The following FHIP1A variants were observed in gnomAD, a reference collection of about 807,000 sequenced individuals.
FHIP1A encodes FHF complex subunit HOOK-interacting protein 1A.
FHIP1A carries 61 observed loss-of-function variants against 88.6 expected under a neutral mutation model. The observed-to-expected ratio is 0.69, with a 90% confidence interval of 0.56 to 0.85. The LOEUF (loss-of-function observed/expected upper bound fraction) is 0.85. Among genes scored for constraint, FHIP1A ranks in the 40% least tolerant of loss-of-function variants. FHIP1A has a pLI of 0.00. For synonymous variants in FHIP1A, 478 were observed against 496.0 expected, an observed-to-expected ratio of 0.96 and a Z score of 0.48; for missense variants, 1,154 against 1,273.5, an observed-to-expected ratio of 0.91 and a Z score of 1.43.
At chr4:151,431,931 T>C (rs539988210) in intron 1 of FHIP1A, among the ~76,000 whole-genome samples, 1 of 152,320 alleles carries the variant, frequency 6.6e-6, no homozygotes, top group South Asian at 2.1e-4. Flanking sequence ...CCCAAAGTCA[T>C]ATGGGTAACC....
intron 3 of FHIP1A, among the ~76,000 whole-genome samples, chr4:151,527,252 G>C (rs897410824): frequency 1.6e-4 from 24 of 152,332 alleles, no homozygotes; most frequent in South Asian, 8.3e-4. Context: ...CTGAGTGAAC[G>C]AGACTCCGTC....
intron 1 of FHIP1A, among the ~76,000 whole-genome samples, chr4:151,449,179 C>G (rs1378059834): frequency 6.6e-6 from 1 of 152,110 alleles, no homozygotes; most frequent in Non-Finnish European, 1.5e-5. Flanking sequence ...GCATAACTAA[C>G]TGAATGAATG....
intron 2 of FHIP1A, among the ~76,000 whole-genome samples, chr4:151,478,039 A>G (rs1330421774): frequency 1.3e-5 from 2 of 152,196 alleles, no homozygotes; most frequent in East Asian, 1.9e-4. Flanking sequence ...TATTACATGC[A>G]TGAGAAAATT....
intron 3 of FHIP1A, among the ~76,000 whole-genome samples, chr4:151,504,604 T>C (rs772547939): frequency 4.9e-5 from 3 of 61,024 alleles, no homozygotes; most frequent in Non-Finnish European, 1.2e-4. Context: ...TATGTTATGT[T>C]ATGTCATGTT....
At chr4:151,571,339 A>T (rs573553139) in intron 4 of FHIP1A, among the ~76,000 whole-genome samples, 3 of 152,326 alleles carry the variant, frequency 2.0e-5, no homozygotes, top group Non-Finnish European at 2.9e-5. Flanking sequence ...CTGTTTAAAA[A>T]TTTTTTAGGC....
intron 3 of FHIP1A, among the ~76,000 whole-genome samples, chr4:151,487,804 A>G (rs745628722): frequency 4.6e-5 from 7 of 152,250 alleles, no homozygotes; most frequent in Admixed American, 2.0e-4. Flanking sequence ...TCAAGGTCAC[A>G]AAAGGATTAA....
intron 3 of FHIP1A, among the ~76,000 whole-genome samples, chr4:151,533,449 A>T (rs555749175): frequency 6.6e-6 from 1 of 152,132 alleles, no homozygotes; most frequent in African/African-American, 2.4e-5. Flanking sequence ...CAAAAAAAGG[A>T]TATATTTCCT....
chr4:151,542,117 G>C (rs1029468345), intron 3 of FHIP1A, among the ~76,000 whole-genome samples: 1 of 151,918 alleles, frequency 6.6e-6, no homozygotes, highest in Non-Finnish European at 1.5e-5. Flanking sequence ...AGTAAATTCT[G>C]TTCCCCTTCA....
intron 7 of FHIP1A, among the ~76,000 whole-genome samples, chr4:151,591,406 T>C (rs1007025644): frequency 2.0e-5 from 3 of 152,170 alleles, no homozygotes; most frequent in African/African-American, 7.2e-5. Context: ...ATACTCCATG[T>C]CCACTGCCTT....
At chr4:151,650,694 G>C in intron 11 of FHIP1A, 102 bp downstream of exon 11, 1 of 1,397,132 alleles carries the variant, frequency 7.2e-7, no homozygotes, top group Non-Finnish European at 9.4e-7. Context: ...TTATCGGTTT[G>C]TCTAACAGAG....
Position 151,577,811 on chromosome 4 carries a change from C to A in FHIP1A, c.467C>A (p.Pro156His). The A allele has an allele frequency of 6.4e-7, 1 of 1,552,060 alleles. No individual in the cohort carries two copies. Among genetic ancestry groups the A allele is most frequent in the Non-Finnish European group, 8.7e-7 (1 of 1,147,060 alleles). The change falls in exon 5 of 14, where the codon CCC becomes CAC. Residue 156 changes from proline (P) to histidine (H), a missense_variant. Pro to His is a moderately conservative substitution (Grantham distance 77). Coordinates refer to ENST00000435205, the MANE Select transcript of FHIP1A (RefSeq NM_001109977.3). Reference protein sequence around the residue: ...LLSSCSGTTTPTVEEKLVVLL... With the variant: ...LLSSCSGTTTHTVEEKLVVLL... ...AGCTCTTGTTCAGGAACAACCACCC[C>A]CACTGTGGAGGAGAAGCTGGTTGTC...
At chr4:151,538,603 C>G (rs934667391) in intron 3 of FHIP1A, among the ~76,000 whole-genome samples, 1 of 152,178 alleles carries the variant, frequency 6.6e-6, no homozygotes, top group East Asian at 1.9e-4. Context: ...GCTCTCTAGT[C>G]TTTCTTTAGA....
intron 5 of FHIP1A, among the ~76,000 whole-genome samples, chr4:151,579,792 A>T (rs1387844067): frequency 6.6e-6 from 1 of 152,232 alleles, no homozygotes; most frequent in African/African-American, 2.4e-5. Flanking sequence ...AAAAGTTTTT[A>T]TTATGAGAAA....
At chr4:151,443,761 C>G (rs1451637117) in intron 1 of FHIP1A, among the ~76,000 whole-genome samples, 4 of 147,876 alleles carry the variant, frequency 2.7e-5, no homozygotes, top group Admixed American at 2.1e-4. Flanking sequence ...CTTTTCTTCA[C>G]CCCCAAAATG....
chr4:151,477,398 A>C (rs1729746475), intron 2 of FHIP1A, among the ~76,000 whole-genome samples: 1 of 152,186 alleles, frequency 6.6e-6, no homozygotes, highest in African/African-American at 2.4e-5. Context: ...TTTAAAATAT[A>C]AACTAGATTG....
At chr4:151,440,217 A>G (rs2126558147) in intron 1 of FHIP1A, among the ~76,000 whole-genome samples, 1 of 152,292 alleles carries the variant, frequency 6.6e-6, no homozygotes. Context: ...TGCCCCCATG[A>G]TTCTGTTACC....
At chr4:151,644,870 G>A (rs753750666) in intron 9 of FHIP1A, among the ~76,000 whole-genome samples, 1 of 152,168 alleles carries the variant, frequency 6.6e-6, no homozygotes, top group Non-Finnish European at 1.5e-5. Context: ...CTGGGGTCCA[G>A]CTATGCTTTG....
intron 7 of FHIP1A, among the ~76,000 whole-genome samples, chr4:151,618,008 A>G (rs1735607393): frequency 6.6e-6 from 1 of 152,238 alleles, no homozygotes; most frequent in African/African-American, 2.4e-5. Context: ...ACTTTCACAT[A>G]GGACTGCACT....
chr4:151,479,845 T>C (rs945271654), intron 2 of FHIP1A, among the ~76,000 whole-genome samples: 4 of 152,120 alleles, frequency 2.6e-5, no homozygotes, highest in African/African-American at 9.6e-5. Flanking sequence ...CTAAATTCAC[T>C]GAATTTATGC....
Sources: allele counts gnomAD v4.1 joint callset (sites outside exome capture counted in the v4.1 genomes callset), GRCh38; gene constraint gnomAD v4.1.1; transcripts MANE v1.5; gene names NCBI Gene and HGNC (gene_info 2026-07-23, HGNC 2026-07-21).